GPRC6A: variants seen among roughly 807,000 people sequenced by gnomAD.
GPRC6A encodes the protein G protein-coupled receptor family C group 6 member A.
GPRC6A carries 54 observed loss-of-function variants against 47.0 expected under a neutral mutation model. The ratio of observed to expected loss-of-function variants is 1.15; its 90% confidence interval spans 0.92 to 1.44. The LOEUF (loss-of-function observed/expected upper bound fraction) is 1.44. Among genes scored for constraint, GPRC6A ranks in the 40% most tolerant of loss-of-function variants. The pLI, the probability that GPRC6A is intolerant of heterozygous loss-of-function variation, is 0.00. For missense variants in GPRC6A, 1,112 were observed against 1,105.5 expected (o/e 1.01, Z -0.08); for synonymous variants, 347 against 377.1 (o/e 0.92, Z 0.93).
chr6:116,823,214 C>CA (rs1428912217), intron 1 of GPRC6A, among the ~76,000 whole-genome samples: 1 of 152,076 alleles, frequency 6.6e-6, no homozygotes, highest in Non-Finnish European at 1.5e-5. Flanking sequence ...TCCTTGCTCA[C>CA]ACATATGAGC....
rs1273513137 is a variant in GPRC6A at position 116,795,945 on chromosome 6, C to A, written c.1549-110G>T. The A allele has an allele frequency of 9.1e-6, 6 of 660,946 alleles. No individual in the cohort carries two copies. The Admixed American group carries it at 1.3e-4, about 14-fold the overall frequency. 40.9% of individuals were successfully genotyped at this position (660,946 alleles called of 1,614,324 possible). On this transcript the variant is annotated intron_variant, in intron 4 of 5. Coordinates refer to ENST00000310357, the MANE Select transcript of GPRC6A (RefSeq NM_148963.4). ...TATATTTACTAAATACTATTTTGGTCTTTTTTCATAGGATTATAGAATCTT... is the reference window on the plus strand; with the variant it reads ...TATATTTACTAAATACTATTTTGGTATTTTTTCATAGGATTATAGAATCTT...
intron 4 of GPRC6A, among the ~76,000 whole-genome samples, chr6:116,796,295 A>G (rs1772487930): frequency 2.6e-5 from 4 of 152,212 alleles, no homozygotes; most frequent in African/African-American, 9.6e-5. Flanking sequence ...AAAAAAAAGA[A>G]ACATTTTGAG....
chr6:116,817,126 T>G (rs1351494151), intron 1 of GPRC6A, among the ~76,000 whole-genome samples: 1 of 151,742 alleles, frequency 6.6e-6, no homozygotes, highest in Non-Finnish European at 1.5e-5. Flanking sequence ...TCTGCAGACT[T>G]AAATGTCCCT....
chr6:116,823,642 C>T (rs1773581771), intron 1 of GPRC6A, among the ~76,000 whole-genome samples: 1 of 152,010 alleles, frequency 6.6e-6, no homozygotes, highest in Non-Finnish European at 1.5e-5. Context: ...TCTCTGGTAC[C>T]AAGTTTCTGT....
chr6:116,828,830 C>T lies in GPRC6A; in HGVS notation c.184G>A (p.Glu62Lys), dbSNP rs761917013. The change falls in exon 1 of 6, where the codon GAG becomes AAG. Residue 62 changes from glutamate (E) to lysine (K), a missense_variant. Physicochemically the swap from Glu to Lys is moderately conservative, Grantham distance 56. Transcript: ENST00000310357. ...EDSPRRPQIQ[E>K]CVGFEISVFL... is the part of the protein sequence containing the mutation. ...TTGAGACTTACTCACCCAACACACTCCTGGATTTGTGGTCGTCTGGGAGAG... is the reference window on the plus strand; with the variant it reads ...TTGAGACTTACTCACCCAACACACTTCTGGATTTGTGGTCGTCTGGGAGAG... The T allele has an allele frequency of 6.2e-7, 1 of 1,612,038 alleles. No homozygotes were observed. The highest frequency in any genetic ancestry group is 8.5e-7 in the Non-Finnish European group (1 of 1,178,758).
intron 1 of GPRC6A, among the ~76,000 whole-genome samples, chr6:116,816,983 C>T (rs1773239498): frequency 6.6e-6 from 1 of 152,242 alleles, no homozygotes; most frequent in Admixed American, 6.5e-5. Flanking sequence ...ATTGCCCAGG[C>T]TCGCTTAGGT....
rs1203247262 is a variant in GPRC6A at position 116,806,652 on chromosome 6, G to A, written c.1053C>T (p.His351=). 6.2e-7 allele frequency: 1 copy of A among 1,613,560 alleles called. No homozygotes were observed. Among genetic ancestry groups the A allele is most frequent in the Admixed American group, 1.7e-5 (1 of 59,912 alleles). The change falls in exon 3 of 6, where the codon CAC becomes CAT. Residue 351 remains histidine (H), a synonymous_variant. Transcript: ENST00000310357. ...QNLHLLPSDS[H]KLLHEYAMHL... is the part of the protein sequence containing the mutation. ...GCATGGCATATTCATGTAAGAGTTTGTGACTGTCACTGGGAAGCAAGTGCA... is the reference window on the plus strand; with the variant it reads ...GCATGGCATATTCATGTAAGAGTTTATGACTGTCACTGGGAAGCAAGTGCA...
At position 116,792,416 on chromosome 6, in the gene GPRC6A, A is replaced by G. The variant is rs1372996723; in HGVS notation, c.2507T>C (p.Val836Ala). The G allele has an allele frequency of 6.2e-7, 1 of 1,614,082 alleles. No individual in the cohort carries two copies. ...LYCTFIPKCY[V>A]IICKQEINTK... Reference sequence around the variant, plus strand: ...GTTAATCTCTTGCTTACAAATAATAACATAGCATTTGGGGATGAATGTGCA... The same window carrying G: ...GTTAATCTCTTGCTTACAAATAATAGCATAGCATTTGGGGATGAATGTGCA... Residue 836 changes from valine (V) to alanine (A), a missense_variant, in exon 6 of 6, where the codon GTT (valine) becomes GCT (alanine). Transcript: ENST00000310357.
chr6:116,818,775 G>A (rs1317170588), intron 1 of GPRC6A, among the ~76,000 whole-genome samples: 18 of 151,254 alleles, frequency 1.2e-4, no homozygotes, highest in African/African-American at 2.4e-4. Flanking sequence ...AAAGACCATC[G>A]AGACTAGGAA....
chr6:116,806,840 T>A lies in GPRC6A; in HGVS notation c.865A>T (p.Lys289Ter). 1 of 1,612,634 alleles carries A rather than the reference T, an allele frequency of 6.2e-7. No individual in the cohort carries two copies. Reference protein sequence around the residue: ...RQFHVFDLFNKAIEMNINKMW... With the variant: ...RQFHVFDLFN ...TTATTTATATTCATTTCAATGGCTT[T>A]ATTGAAGAGATCAAAAACATGGAAT... Residue 289 changes from lysine (K) to a stop codon, truncating the protein, a stop_gained, in exon 3 of 6, where the codon AAA (lysine) becomes TAA (stop). Transcript: ENST00000310357. LOFTEE classifies it high-confidence loss of function.
At chr6:116,823,281 T>G (rs1773566767) in intron 1 of GPRC6A, among the ~76,000 whole-genome samples, 2 of 152,124 alleles carry the variant, frequency 1.3e-5, no homozygotes, top group Admixed American at 1.3e-4. Flanking sequence ...TAGAAATTTC[T>G]TCTGCCAGAT....
chr6:116,808,766 G>A (rs1443271911), intron 2 of GPRC6A, among the ~76,000 whole-genome samples: 1 of 152,104 alleles, frequency 6.6e-6, no homozygotes, highest in Admixed American at 6.6e-5. Flanking sequence ...CAAAATGAAA[G>A]CCAAAGAGAC....
intron 1 of GPRC6A, among the ~76,000 whole-genome samples, chr6:116,819,113 G>A (rs2114615418): frequency 6.6e-6 from 1 of 152,106 alleles, no homozygotes; most frequent in South Asian, 2.1e-4. Flanking sequence ...GACAAAGAAG[G>A]CCATTACATA....
chr6:116,817,072 C>A (rs1331987163), intron 1 of GPRC6A, among the ~76,000 whole-genome samples: 1 of 151,886 alleles, frequency 6.6e-6, no homozygotes, highest in Non-Finnish European at 1.5e-5. Context: ...GTAGGCTCCA[C>A]CTCTGGGGGC....
chr6:116,825,342 G>A (rs1224661611), intron 1 of GPRC6A, among the ~76,000 whole-genome samples: 1 of 151,968 alleles, frequency 6.6e-6, no homozygotes, highest in Non-Finnish European at 1.5e-5. Context: ...AATACCAAAA[G>A]ACTCCACAAA....
intron 1 of GPRC6A, among the ~76,000 whole-genome samples, chr6:116,819,404 C>T (rs1773371513): frequency 6.6e-6 from 1 of 151,426 alleles, no homozygotes; most frequent in African/African-American, 2.4e-5. Flanking sequence ...ACAGAATATA[C>T]ATTTTTTTCA....
At chr6:116,818,049 C>A (rs1345603081) in intron 1 of GPRC6A, among the ~76,000 whole-genome samples, 1 of 151,990 alleles carries the variant, frequency 6.6e-6, no homozygotes, top group Admixed American at 6.6e-5. Flanking sequence ...AGATACTCCT[C>A]GAGAAGAGCA....
chr6:116,796,090 A>G (rs1772480650), intron 4 of GPRC6A, among the ~76,000 whole-genome samples: 1 of 152,138 alleles, frequency 6.6e-6, no homozygotes, highest in Admixed American at 6.6e-5. Context: ...CCCTTTCAGA[A>G]AGTCCCTAGT....
At chr6:116,817,435 G>GA (rs1319499385) in intron 1 of GPRC6A, among the ~76,000 whole-genome samples, 2 of 151,338 alleles carry the variant, frequency 1.3e-5, no homozygotes, top group African/African-American at 2.4e-5. Flanking sequence ...CAAAGATGGG[G>GA]AAAAAACAGA....
Sources: gnomAD v4.1 joint callset for allele counts (sites outside exome capture counted in the v4.1 genomes callset) on GRCh38, gnomAD v4.1.1 for gene constraint, MANE v1.5 for transcripts, NCBI Gene and HGNC (gene_info 2026-07-23, HGNC 2026-07-21) for gene names.